The following CCDC91 variants were observed in gnomAD, a reference collection of about 807,000 sequenced individuals.
The protein encoded by CCDC91 is coiled-coil domain containing 91.
A neutral mutation model predicts 63.2 loss-of-function variants in CCDC91; 48 were observed. The observed-to-expected ratio is 0.76, with a 90% confidence interval of 0.60 to 0.97. The LOEUF (loss-of-function observed/expected upper bound fraction) is 0.97. Ranked by LOEUF, CCDC91 falls within the 50% of genes least tolerant of loss-of-function variation. CCDC91 has a pLI of 0.00. For synonymous variants in CCDC91, 167 were observed against 165.8 expected (o/e 1.01, Z -0.06); for missense variants, 500 against 494.6 (o/e 1.01, Z -0.10).
chr12:28,290,820 T>TGA (rs1949200818), intron 3 of CCDC91, among the ~76,000 whole-genome samples: 1 of 21,154 alleles, frequency 4.7e-5, no homozygotes, highest in South Asian at 0.025. Context: ...CATACCCAAC[T>TGA]CATGTTTTTT....
chr12:28,415,551 G>A (rs1947599210), intron 8 of CCDC91, among the ~76,000 whole-genome samples: 1 of 152,044 alleles, frequency 6.6e-6, no homozygotes, highest in Admixed American at 6.6e-5. Context: ...GTAGTTAAAA[G>A]CAAGTCTTGT....
In CCDC91 at chr12:28,307,766, T is replaced by C. The variant is rs766605886; in HGVS notation, c.576+17T>C. 7.5e-6 allele frequency: 10 copies of C among 1,329,972 alleles called. No individual in the cohort carries two copies. The highest frequency in any genetic ancestry group is 1.1e-5 in the Non-Finnish European group (10 of 938,602). The allele number at this position is 1,329,972 out of a possible 1,614,324, so 82.4% of individuals were successfully genotyped here. A position where few individuals can be genotyped will look rare whatever the true frequency, so the allele number is the denominator to read the frequency against. On this transcript the variant is annotated intron_variant, in intron 6 of 12. Transcript: ENST00000536442. ...GAACTTCAGGTAAGGCGATTGAACT[T>C]AAGATTTAAAATGTAAGCCTTTTGA...
chr12:28,415,176 CTTTAGGTAAAT>C lies in CCDC91; in HGVS notation c.762+23771_762+23781del, dbSNP rs780827981. ...TTCTACTTTCCTTTAAGGCTCTTCT[CTTTAGGTAAAT>C]TTTAGAAACCATGTGAAATGTTATT... On this transcript the variant is annotated intron_variant, in intron 8 of 12. Transcript: ENST00000536442. Among the ~76,000 whole-genome samples, 24 of 150,094 alleles carry C rather than the reference CTTTAGGTAAAT, an allele frequency of 1.6e-4. 1 individual carries two copies. The highest frequency in any genetic ancestry group is 1.3e-3 in the Admixed American group (20 of 15,098).
rs369094523 is a variant in CCDC91, at chr12:28,344,701, ATTG to A, written c.577-17731_577-17729del. On this transcript the variant is annotated intron_variant, in intron 6 of 12. Coordinates refer to ENST00000536442, the MANE Select transcript of CCDC91 (RefSeq NM_018318.5). ...TGCATTTTCACAATAACCCTGTGAG[ATTG>A]TTGTTATCTGTTTTACAGATGAGGA... 3.7e-4 allele frequency among the ~76,000 whole-genome samples: 56 copies of A among 152,268 alleles called. No homozygotes were observed. The South Asian group carries it at 3.9e-3, about 11-fold the overall frequency.
intron 8 of CCDC91, among the ~76,000 whole-genome samples, chr12:28,410,401 A>G (rs143157421): frequency 8.4e-4 from 128 of 152,158 alleles, no homozygotes; most frequent in African/African-American, 3.0e-3. Context: ...TGTACTTTTA[A>G]TATATTGGTT....
chr12:28,205,624 C>T (rs1942787476), intron 1 of CCDC91, among the ~76,000 whole-genome samples: 1 of 152,130 alleles, frequency 6.6e-6, no homozygotes, highest in Admixed American at 6.6e-5. Flanking sequence ...AAATGACATA[C>T]AGCAATTGGA....
At chr12:28,310,283 C>A (rs1052572221) in intron 6 of CCDC91, among the ~76,000 whole-genome samples, 2 of 152,002 alleles carry the variant, frequency 1.3e-5, no homozygotes, top group African/African-American at 4.8e-5. Flanking sequence ...TAAATGGGAA[C>A]AGTAACATAT....
At chr12:28,373,434 T>C (rs1461699599) in intron 7 of CCDC91, among the ~76,000 whole-genome samples, 1 of 152,162 alleles carries the variant, frequency 6.6e-6, no homozygotes, top group Non-Finnish European at 1.5e-5. Flanking sequence ...CATGTGTTAC[T>C]TTCATTATGT....
chr12:28,272,762 TTAGAG>T (rs1324323600), intron 3 of CCDC91, among the ~76,000 whole-genome samples: 4 of 152,138 alleles, frequency 2.6e-5, no homozygotes, highest in African/African-American at 9.7e-5. Context: ...TTAATGCACT[TTAGAG>T]TATTGTATCA....
chr12:28,436,902 G>C (rs74822366), intron 8 of CCDC91, among the ~76,000 whole-genome samples: 11 of 151,850 alleles, frequency 7.2e-5, no homozygotes, highest in African/African-American at 2.7e-4. Flanking sequence ...CCTTATTAAA[G>C]ATTTTATATT....
At chr12:28,406,673 T>C (rs1946968120) in intron 8 of CCDC91, among the ~76,000 whole-genome samples, 1 of 152,024 alleles carries the variant, frequency 6.6e-6, no homozygotes. Context: ...TTTGGGTGTC[T>C]TATCCAAGAA....
intron 7 of CCDC91, among the ~76,000 whole-genome samples, chr12:28,374,982 G>A (rs1472157426): frequency 3.3e-5 from 5 of 151,966 alleles, no homozygotes; most frequent in Non-Finnish European, 7.4e-5. Flanking sequence ...ATTTCCTGAA[G>A]GAATGTTACA....
intron 8 of CCDC91, among the ~76,000 whole-genome samples, chr12:28,444,800 C>A (rs906178843): frequency 6.6e-6 from 1 of 151,986 alleles, no homozygotes; most frequent in African/African-American, 2.4e-5. Flanking sequence ...AACTATGTAA[C>A]AAACCTTCAC....
intron 8 of CCDC91, among the ~76,000 whole-genome samples, chr12:28,441,593 G>A (rs2140220051): frequency 7.9e-6 from 1 of 125,850 alleles, no homozygotes; most frequent in East Asian, 2.0e-4. Context: ...TGAAGCCTGT[G>A]TGTATGTATA....
At chr12:28,421,965 CTTG>C (rs1592627074) in intron 8 of CCDC91, among the ~76,000 whole-genome samples, 3 of 152,154 alleles carry the variant, frequency 2.0e-5, no homozygotes, top group East Asian at 1.9e-4. Context: ...GTCTTGAGTA[CTTG>C]TTGTGCTTTT....
chr12:28,339,380 G>A (rs1480685841), intron 6 of CCDC91, among the ~76,000 whole-genome samples: 3 of 152,090 alleles, frequency 2.0e-5, no homozygotes, highest in Non-Finnish European at 4.4e-5. Context: ...TGAATAGGCA[G>A]CTAGTACATG....
chr12:28,294,787 GTTGGCCAGGCTGGT>G (rs1034643309), intron 3 of CCDC91, among the ~76,000 whole-genome samples: 1 of 152,082 alleles, frequency 6.6e-6, no homozygotes, highest in African/African-American at 2.4e-5. Flanking sequence ...GTTTTGCCAT[GTTGGCCAGGCTGGT>G]TTGGAACTCC....
intron 12 of CCDC91, among the ~76,000 whole-genome samples, chr12:28,516,928 G>A (rs550031140): frequency 4.4e-4 from 67 of 151,888 alleles, no homozygotes; most frequent in Non-Finnish European, 4.1e-4. Flanking sequence ...CTTTTGGAGG[G>A]GATATTCAAA....
chr12:28,307,971 T>A (rs1938922651), intron 6 of CCDC91, among the ~76,000 whole-genome samples: 1 of 152,130 alleles, frequency 6.6e-6, no homozygotes, highest in East Asian at 1.9e-4. Flanking sequence ...CCCAAACAAT[T>A]TGGTAAGAAA....
Sources: allele counts gnomAD v4.1 joint callset (sites outside exome capture counted in the v4.1 genomes callset), GRCh38; gene constraint gnomAD v4.1.1; transcripts MANE v1.5; gene names NCBI Gene and HGNC (gene_info 2026-07-23, HGNC 2026-07-21).